Variants in SMARCC1 observed in about 807,000 individuals in gnomAD.
SMARCC1 encodes the protein SWI/SNF complex subunit SMARCC1.
In SMARCC1, 43 loss-of-function variants were observed where a neutral mutation model predicts 147.4. That is an observed-to-expected ratio of 0.29 (90% CI 0.23 to 0.38). The LOEUF is 0.38. Ranked by LOEUF, SMARCC1 falls within the 10% of genes least tolerant of loss-of-function variation. SMARCC1 has a pLI of 1.00. For missense variants in SMARCC1, 1,119 were observed against 1,381.1 expected (o/e 0.81, Z 3.01); for synonymous variants, 495 against 484.4 (o/e 1.02, Z -0.29).
At chr3:47,722,819 A>C (rs997831256) in intron 6 of SMARCC1, among the ~76,000 whole-genome samples, 1 of 152,198 alleles carries the variant, frequency 6.6e-6, no homozygotes, top group Non-Finnish European at 1.5e-5. Context: ...GGAAAATAAC[A>C]TACCATGCAG....
chr3:47,735,687 G>C (rs1217749656), intron 5 of SMARCC1, among the ~76,000 whole-genome samples: 1 of 152,080 alleles, frequency 6.6e-6, no homozygotes, highest in Admixed American at 6.6e-5. Flanking sequence ...CTCGGAGGCA[G>C]AGGATGCAAT....
intron 25 of SMARCC1, among the ~76,000 whole-genome samples, chr3:47,621,818 T>TAAAAAAAAAAAAAAAAAAAAAAAAAA (rs775171684): frequency 7.7e-6 from 1 of 129,512 alleles, no homozygotes; most frequent in Non-Finnish European, 1.7e-5. Context: ...ATTAAAACTT[T>TAAAAAAAAAAAAAAAAAAAAAAAAAA]AAAAAAAAAA....
intron 26 of SMARCC1, chr3:47,603,778 G>A: frequency 3.2e-6 from 1 of 312,968 alleles, no homozygotes; most frequent in Non-Finnish European, 6.3e-6. Context: ...GGTGGTCTAA[G>A]AACAGTTGGG....
At chr3:47,771,654 G>A (rs1373276819) in intron 2 of SMARCC1, among the ~76,000 whole-genome samples, 4 of 152,134 alleles carry the variant, frequency 2.6e-5, no homozygotes, top group Non-Finnish European at 2.9e-5. Context: ...TGAGGCAGGA[G>A]AATCGCTTGA....
rs185960311 is a variant in SMARCC1, at chr3:47,680,599, G to C, written c.1386-91C>G. 9.9e-3 allele frequency: 7,175 copies of C among 725,786 alleles called. 49 individuals are homozygous for C. The highest frequency in any genetic ancestry group is 0.015 in the South Asian group (838 of 56,392). 45.0% of individuals were successfully genotyped at this position (725,786 alleles called of 1,614,324 possible). On this transcript the variant is annotated intron_variant, in intron 14 of 27. Coordinates refer to ENST00000254480, the MANE Select transcript of SMARCC1 (RefSeq NM_003074.4). Reference sequence around the variant, plus strand: ...GTCTCGCTCTGTCGCCCAGGCTGGAGTGCAGTGGCGGGATCTCGGCTCACT... The same window carrying C: ...GTCTCGCTCTGTCGCCCAGGCTGGACTGCAGTGGCGGGATCTCGGCTCACT...
intron 19 of SMARCC1, among the ~76,000 whole-genome samples, chr3:47,668,754 G>A (rs2033455535): frequency 6.6e-6 from 1 of 152,024 alleles, no homozygotes; most frequent in Non-Finnish European, 1.5e-5. Flanking sequence ...GCATGGTGGT[G>A]CACACCTGTA....
intron 27 of SMARCC1, 36 bp downstream of exon 27, chr3:47,590,625 C>A (rs561951852): frequency 6.8e-7 from 1 of 1,477,602 alleles, no homozygotes; most frequent in East Asian, 2.5e-5. Flanking sequence ...CCAGAACGGA[C>A]CCTGAGATAA....
chr3:47,775,556 G>A (rs556094702), intron 1 of SMARCC1, among the ~76,000 whole-genome samples: 52 of 149,458 alleles, frequency 3.5e-4, no homozygotes, highest in South Asian at 3.0e-3. Flanking sequence ...GGCGAATCAC[G>A]AGGTCAGGAG....
At position 47,598,078 on chromosome 3, in the gene SMARCC1, G is replaced by A. The variant is rs561917288; in HGVS notation, c.3044-7241C>T. 2.6e-5 allele frequency among the ~76,000 whole-genome samples: 4 copies of A among 152,228 alleles called. No homozygotes were observed. In the East Asian group the frequency reaches 7.7e-4, roughly 29 times the overall value. On this transcript the variant is annotated intron_variant, in intron 26 of 27. Coordinates refer to ENST00000254480, the MANE Select transcript of SMARCC1 (RefSeq NM_003074.4). ...CCAAAGAGGCACCTTTGTTTTTAAG[G>A]TGGTACTGTCCCAGCTCCCTTTTGG...
At chr3:47,646,357 A>G (rs2033121270) in intron 21 of SMARCC1, among the ~76,000 whole-genome samples, 1 of 152,140 alleles carries the variant, frequency 6.6e-6, no homozygotes, top group South Asian at 2.1e-4. Flanking sequence ...ATCTCATGTC[A>G]TTTTGTTATT....
At chr3:47,710,879 G>A in intron 8 of SMARCC1, 71 bp from the exon 9 acceptor site, 1 of 1,274,640 alleles carries the variant, frequency 7.8e-7, no homozygotes, top group Non-Finnish European at 1.1e-6. Context: ...GTATTGAGAA[G>A]GAAACAAGCT....
chr3:47,747,441 A>AAATATAAATATG (rs2034577057), intron 2 of SMARCC1, among the ~76,000 whole-genome samples: 1 of 34,160 alleles, frequency 2.9e-5, no homozygotes, highest in Non-Finnish European at 6.8e-5. Context: ...TGTCTCAAAA[A>AAATATAAATATG]AATATAAATA....
rs74401654 is a variant in SMARCC1 at position 47,658,797 on chromosome 3, T to C, written c.2320+2497A>G. On this transcript the variant is annotated intron_variant, in intron 21 of 27. Transcript: ENST00000254480. ...CTACCAAAACTGACTCATTAAGAAA[T>C]GTTTAAATCTTGGTAGAATTATAAC... is the stretch of plus-strand genomic sequence containing the variant. Among the ~76,000 whole-genome samples the C allele has an allele frequency of 2.5e-3, 380 of 152,272 alleles. 1 individual carries two copies. Among genetic ancestry groups the C allele is most frequent in the African/African-American group, 8.7e-3 (361 of 41,544 alleles).
chr3:47,656,635 T>G (rs1028020168), intron 21 of SMARCC1, among the ~76,000 whole-genome samples: 1 of 151,790 alleles, frequency 6.6e-6, no homozygotes, highest in Admixed American at 6.6e-5. Context: ...AGAAACCAGG[T>G]CTGGCATGGT....
intron 24 of SMARCC1, among the ~76,000 whole-genome samples, chr3:47,632,754 C>T (rs2106698658): frequency 6.6e-6 from 1 of 152,188 alleles, no homozygotes; most frequent in South Asian, 2.1e-4. Flanking sequence ...TTCTGTTTGG[C>T]AGAACTACAA....
At chr3:47,746,726 A>AC (rs758910405) in intron 2 of SMARCC1, among the ~76,000 whole-genome samples, 2 of 122,008 alleles carry the variant, frequency 1.6e-5, no homozygotes, top group Non-Finnish European at 3.5e-5. Flanking sequence ...CACATCAGTA[A>AC]TTTTTTTTTT....
intron 2 of SMARCC1, among the ~76,000 whole-genome samples, chr3:47,762,625 G>C (rs34203418): frequency 1.7e-4 from 26 of 152,206 alleles, no homozygotes; most frequent in Non-Finnish European, 1.0e-4. Flanking sequence ...AATAAATTTA[G>C]AAAATGTTGA....
intron 26 of SMARCC1, among the ~76,000 whole-genome samples, chr3:47,602,440 G>A (rs1360004758): frequency 6.6e-6 from 1 of 152,150 alleles, no homozygotes; most frequent in East Asian, 1.9e-4. Context: ...TGGGACCACA[G>A]GCACACGCCA....
intron 24 of SMARCC1, among the ~76,000 whole-genome samples, chr3:47,624,289 C>CA (rs551693931): frequency 9.9e-4 from 148 of 149,588 alleles, no homozygotes; most frequent in Admixed American, 2.7e-3. Context: ...GAATCCATCT[C>CA]AAAAAAAATA....
Sources: gnomAD v4.1 joint callset for allele counts (sites outside exome capture counted in the v4.1 genomes callset) on GRCh38, gnomAD v4.1.1 for gene constraint, MANE v1.5 for transcripts, NCBI Gene and HGNC (gene_info 2026-07-23, HGNC 2026-07-21) for gene names.